TBC1D5: variants seen among roughly 807,000 people sequenced by gnomAD.
The protein encoded by TBC1D5 is TBC1 domain family, member 5.
Under a neutral mutation model 100.3 loss-of-function variants are expected in TBC1D5, and 75 were observed. The observed-to-expected ratio is 0.75, with a 90% confidence interval of 0.62 to 0.91. The LOEUF (loss-of-function observed/expected upper bound fraction) is 0.91, where lower values mean the gene tolerates loss of function less well. TBC1D5 is among the 40% of genes least tolerant of loss of function. The pLI, the probability that TBC1D5 is intolerant of heterozygous loss-of-function variation, is 0.00. For synonymous variants in TBC1D5, 323 were observed against 325.6 expected (o/e 0.99, Z 0.09); for missense variants, 910 against 942.4 (o/e 0.97, Z 0.45).
chr3:17,460,692 C>G (rs1486778597), intron 3 of TBC1D5, among the ~76,000 whole-genome samples: 1 of 151,746 alleles, frequency 6.6e-6, no homozygotes, highest in African/African-American at 2.4e-5. Context: ...TAGGCCCACT[C>G]TTGCATATAT....
At chr3:17,270,461 A>C (rs1362378756) in intron 15 of TBC1D5, among the ~76,000 whole-genome samples, 1 of 152,214 alleles carries the variant, frequency 6.6e-6, no homozygotes, top group Non-Finnish European at 1.5e-5. Flanking sequence ...GCTCTTCAGA[A>C]GTAGACAAGA....
chr3:17,327,811 G>C (rs372592987), intron 13 of TBC1D5, among the ~76,000 whole-genome samples: 1 of 152,112 alleles, frequency 6.6e-6, no homozygotes, highest in East Asian at 1.9e-4. Flanking sequence ...TCTGTGTGTT[G>C]CTGTATGTGG....
At chr3:17,742,007 C>A (rs925391288), upstream of TBC1D5, among the ~76,000 whole-genome samples, 8 of 151,946 alleles carry the variant, frequency 5.3e-5, no homozygotes, top group Non-Finnish European at 1.0e-4. Flanking sequence ...AGCGTGCTTC[C>A]CGGGGCCCAA....
At chr3:17,643,421 T>C (rs569651866) in intron 1 of TBC1D5, among the ~76,000 whole-genome samples, 1 of 152,252 alleles carries the variant, frequency 6.6e-6, no homozygotes, top group Non-Finnish European at 1.5e-5. Context: ...CTCATGAATA[T>C]ACTTTTTAGA....
At chr3:17,254,501 T>G (rs1001517832) in intron 16 of TBC1D5, among the ~76,000 whole-genome samples, 6 of 152,194 alleles carry the variant, frequency 3.9e-5, no homozygotes, top group South Asian at 2.1e-4. Context: ...TTGATGATTT[T>G]TATATCTTCT....
At chr3:17,453,905 G>C (rs1297525683) in intron 3 of TBC1D5, among the ~76,000 whole-genome samples, 2 of 152,048 alleles carry the variant, frequency 1.3e-5, no homozygotes, top group Non-Finnish European at 2.9e-5. Flanking sequence ...CATTAAAAAG[G>C]TCATTCATCA....
intron 19 of TBC1D5, among the ~76,000 whole-genome samples, chr3:17,184,228 A>G (rs572133134): frequency 3.7e-4 from 56 of 152,352 alleles, no homozygotes; most frequent in African/African-American, 1.2e-3. Flanking sequence ...GACATGCATG[A>G]CCCACATGCA....
chr3:17,271,630 T>A (rs766545466), intron 15 of TBC1D5, among the ~76,000 whole-genome samples: 160 of 152,180 alleles, frequency 1.1e-3, no homozygotes, highest in Non-Finnish European at 1.9e-3. Context: ...GGCTAGGACT[T>A]CCAGTACTAT....
At chr3:17,678,307 G>C (rs2068914649) in intron 1 of TBC1D5, among the ~76,000 whole-genome samples, 1 of 152,114 alleles carries the variant, frequency 6.6e-6, no homozygotes, top group South Asian at 2.1e-4. Flanking sequence ...AAGTTTTCAA[G>C]AGCTGCATCT....
intron 1 of TBC1D5, among the ~76,000 whole-genome samples, chr3:17,666,051 C>CTATA (rs1300901363): frequency 6.6e-6 from 1 of 152,140 alleles, no homozygotes; most frequent in Non-Finnish European, 1.5e-5. Context: ...TTTCATCTTT[C>CTATA]TATACATTGC....
chr3:17,411,724 C>T (rs1190998745), intron 4 of TBC1D5, among the ~76,000 whole-genome samples: 3 of 152,120 alleles, frequency 2.0e-5, no homozygotes, highest in Non-Finnish European at 4.4e-5. Context: ...AAGTTACATA[C>T]TACTTATGTA....
chr3:17,654,922 T>G (rs1050178728), intron 1 of TBC1D5, among the ~76,000 whole-genome samples: 2 of 151,748 alleles, frequency 1.3e-5, no homozygotes, highest in African/African-American at 4.9e-5. Context: ...TATCCATTTC[T>G]TCTAGATTTT....
intron 19 of TBC1D5, among the ~76,000 whole-genome samples, chr3:17,169,381 C>A (rs900916867): frequency 6.6e-6 from 1 of 152,148 alleles, no homozygotes; most frequent in African/African-American, 2.4e-5. Context: ...TAAATATTTC[C>A]AAAAAGTATT....
chr3:17,226,282 C>T (rs1244124119), intron 17 of TBC1D5, among the ~76,000 whole-genome samples: 1 of 149,682 alleles, frequency 6.7e-6, no homozygotes, highest in Non-Finnish European at 1.5e-5. Context: ...CCATAAGCTA[C>T]ATACTGGTTC....
intron 13 of TBC1D5, among the ~76,000 whole-genome samples, chr3:17,329,916 C>T (rs904645919): frequency 1.3e-5 from 2 of 152,200 alleles, no homozygotes; most frequent in African/African-American, 2.4e-5. Context: ...TCATGGGCTA[C>T]AACTAAAAAG....
At chr3:17,294,208 AT>A (rs1479382227) in intron 14 of TBC1D5, among the ~76,000 whole-genome samples, 1 of 151,810 alleles carries the variant, frequency 6.6e-6, no homozygotes, top group Non-Finnish European at 1.5e-5. Flanking sequence ...TTATTTATTT[AT>A]TTATTTATTT....
At chr3:17,684,085 TTC>T (rs1240692789) in intron 1 of TBC1D5, among the ~76,000 whole-genome samples, 1 of 152,056 alleles carries the variant, frequency 6.6e-6, no homozygotes, top group African/African-American at 2.4e-5. Context: ...TTTTTTTTCT[TTC>T]TTTCTTTTTT....
chr3:17,677,382 A>C (rs2068780880), intron 1 of TBC1D5, among the ~76,000 whole-genome samples: 1 of 152,270 alleles, frequency 6.6e-6, no homozygotes, highest in African/African-American at 2.4e-5. Flanking sequence ...TATGCAGCCA[A>C]AAGACACATG....
intron 3 of TBC1D5, among the ~76,000 whole-genome samples, chr3:17,470,848 G>C (rs2150120924): frequency 6.6e-6 from 1 of 152,184 alleles, no homozygotes; most frequent in Non-Finnish European, 1.5e-5. Flanking sequence ...TTTGAACCTG[G>C]AGGCAGAAGT....
Sources: gnomAD v4.1 joint callset for allele counts (sites outside exome capture counted in the v4.1 genomes callset) on GRCh38, gnomAD v4.1.1 for gene constraint, MANE v1.5 for transcripts, NCBI Gene and HGNC (gene_info 2026-07-23, HGNC 2026-07-21) for gene names.